The following AFAP1 variants were observed in gnomAD, a reference collection of about 807,000 sequenced individuals.
AFAP1 encodes actin filament-associated protein 1.
Under a neutral mutation model 93.9 loss-of-function variants are expected in AFAP1, and 75 were observed. The ratio of observed to expected loss-of-function variants is 0.80; its 90% confidence interval spans 0.66 to 0.97. The LOEUF (loss-of-function observed/expected upper bound fraction) is 0.97. AFAP1 is among the 50% of genes least tolerant of loss of function. The pLI is 0.00. For missense variants in AFAP1, 1,201 were observed against 1,050.8 expected, an observed-to-expected ratio of 1.14 and a Z score of -1.98; for synonymous variants, 517 against 430.7, an observed-to-expected ratio of 1.20 and a Z score of -2.48.
chr4:7,772,604 T>G, intron 16 of AFAP1: 1 of 559,640 alleles, frequency 1.8e-6, no homozygotes. Flanking sequence ...TTCCACAGCT[T>G]TTAACATTTC....
At chr4:7,859,542 A>G (rs1715440367) in intron 3 of AFAP1, among the ~76,000 whole-genome samples, 1 of 152,202 alleles carries the variant, frequency 6.6e-6, no homozygotes, top group Non-Finnish European at 1.5e-5. Flanking sequence ...TGACCTAGAA[A>G]TAAGAAAGAA....
rs1717272368 is a variant in AFAP1 at position 7,786,440 on chromosome 4, T to TAGA, written c.1413-132_1413-130dup. 4.0e-6 allele frequency: 3 copies of TAGA among 745,336 alleles called. No individual in the cohort carries two copies. The South Asian group carries it at 5.2e-5, about 13-fold the overall frequency. The allele number at this position is 745,336 out of a possible 1,614,324, so 46.2% of individuals were successfully genotyped here. A position where few individuals can be genotyped will look rare whatever the true frequency, so the allele number is the denominator to read the frequency against. ...GGTCACAGGGGCAGAGAAGAAATAC[T>TAGA]AGACAGAATCTCGGCAGAAATGAGA... On this transcript the variant is annotated intron_variant, in intron 11 of 17. Transcript: ENST00000420658.
intron 10 of AFAP1, 32 bp from the exon 11 acceptor site, chr4:7,793,858 T>C: frequency 6.7e-7 from 1 of 1,482,570 alleles, no homozygotes; most frequent in South Asian, 1.4e-5. Flanking sequence ...TAGGCTGTAT[T>C]TAACTAAAGA....
intron 4 of AFAP1, among the ~76,000 whole-genome samples, chr4:7,849,324 G>A (rs947268885): frequency 1.3e-5 from 2 of 151,908 alleles, no homozygotes; most frequent in Non-Finnish European, 2.9e-5. Flanking sequence ...CTGGGCACAA[G>A]GCTGAGCAAG....
At chr4:7,876,003 G>A (rs1240652020) in intron 1 of AFAP1, among the ~76,000 whole-genome samples, 6 of 152,010 alleles carry the variant, frequency 3.9e-5, no homozygotes, top group South Asian at 2.1e-4. Context: ...GGAAATGGAT[G>A]GTGAATATAC....
At chr4:7,788,862 G>C (rs1275674795) in intron 11 of AFAP1, 2 of 152,262 alleles carry the variant, frequency 1.3e-5, no homozygotes, top group African/African-American at 2.4e-5. Flanking sequence ...CGTCTCTCAC[G>C]GGCTTGCATC....
chr4:7,826,040 T>A (rs1046161950), intron 6 of AFAP1, among the ~76,000 whole-genome samples: 2 of 150,704 alleles, frequency 1.3e-5, no homozygotes, highest in Admixed American at 6.6e-5. Context: ...ATCCTAAAAG[T>A]GAAGGCTCCT....
chr4:7,894,839 C>A (rs1718675604), intron 1 of AFAP1, among the ~76,000 whole-genome samples: 2 of 152,110 alleles, frequency 1.3e-5, no homozygotes, highest in South Asian at 4.1e-4. Context: ...TGACAGGAGG[C>A]CTAGGATTGA....
chr4:7,826,870 G>A (rs537330399), intron 6 of AFAP1, among the ~76,000 whole-genome samples: 3 of 152,260 alleles, frequency 2.0e-5, no homozygotes, highest in African/African-American at 4.8e-5. Context: ...TACACAAAAC[G>A]CATGGAATGT....
intron 1 of AFAP1, among the ~76,000 whole-genome samples, chr4:7,919,618 TTTG>T (rs1720323287): frequency 6.6e-6 from 1 of 152,162 alleles, no homozygotes; most frequent in Non-Finnish European, 1.5e-5. Flanking sequence ...CTGCGGATTT[TTTG>T]TTTAGTCTTT....
chr4:7,774,811 C>T lies in AFAP1; in HGVS notation c.1990G>A (p.Ala664Thr), dbSNP rs766191451. The T allele has an allele frequency of 2.2e-5, 36 of 1,614,120 alleles. No homozygotes were observed. The highest frequency in any genetic ancestry group is 3.0e-5 in the Non-Finnish European group (35 of 1,180,056). ...KEEELLKRKE[A>T]LRNRLAQLRK... ...AGCTGGGCCAGCCTATTCCGCAGGG[C>T]CTCTTTCCTCTTCAGCAGCTCCTCC... is the stretch of plus-strand genomic sequence containing the variant. The change falls in exon 15 of 18, where the codon GCC becomes ACC. Residue 664 changes from alanine to threonine, a missense_variant. Coordinates refer to ENST00000420658, the MANE Select transcript of AFAP1 (RefSeq NM_001134647.2).
At chr4:7,860,020 A>G (rs959793491) in intron 3 of AFAP1, among the ~76,000 whole-genome samples, 2 of 152,026 alleles carry the variant, frequency 1.3e-5, no homozygotes, top group African/African-American at 2.4e-5. Flanking sequence ...GTGCATGCCT[A>G]TAGTCCCAAC....
At chr4:7,851,267 T>C (rs749631963) in intron 4 of AFAP1, among the ~76,000 whole-genome samples, 1 of 152,096 alleles carries the variant, frequency 6.6e-6, no homozygotes, top group Non-Finnish European at 1.5e-5. Flanking sequence ...CCACAGTCTC[T>C]CTGACCCATG....
chr4:7,939,761 CG>C lies in AFAP1; in HGVS notation c.-109del. On this transcript the variant is annotated 5_prime_UTR_variant, in exon 1 of 18. Transcript: ENST00000420658. This position sits in a 1 kb window ranked among gnomAD's most constrained non-coding sequence, Gnocchi z 5.6. Reference sequence around the variant, plus strand: ...CGCAGCCGCCTTAACAATGGAGCCCCGGGGCGGGGCCGCCGCCGCCGCCTCA... The same window carrying C: ...CGCAGCCGCCTTAACAATGGAGCCCCGGGCGGGGCCGCCGCCGCCGCCTCA... 1 of 399,892 alleles carries C rather than the reference CG, an allele frequency of 2.5e-6. No homozygotes were observed. Among genetic ancestry groups the C allele is most frequent in the Admixed American group, 3.0e-5 (1 of 33,340 alleles). 24.8% of individuals were successfully genotyped at this position (399,892 alleles called of 1,614,324 possible).
intron 1 of AFAP1, among the ~76,000 whole-genome samples, chr4:7,929,562 C>T (rs1197356365): frequency 6.6e-6 from 1 of 152,200 alleles, no homozygotes; most frequent in Admixed American, 6.5e-5. Context: ...CTCTGTGATG[C>T]CTGCCCCCCT....
chr4:7,879,435 G>A (rs1717709489), intron 1 of AFAP1, among the ~76,000 whole-genome samples: 1 of 152,088 alleles, frequency 6.6e-6, no homozygotes, highest in African/African-American at 2.4e-5. Flanking sequence ...GACACCTGCT[G>A]CCCTGTTCTG....
intron 6 of AFAP1, among the ~76,000 whole-genome samples, chr4:7,824,448 C>CACAG (rs1232628317): frequency 2.0e-5 from 3 of 147,026 alleles, no homozygotes; most frequent in Non-Finnish European, 1.5e-5. Flanking sequence ...CACACAGAGA[C>CACAG]AGTCAGTTAA....
intron 2 of AFAP1, among the ~76,000 whole-genome samples, chr4:7,871,371 C>A (rs1321250866): frequency 1.3e-5 from 2 of 152,194 alleles, no homozygotes; most frequent in Non-Finnish European, 2.9e-5. Context: ...CCTGCCTGTC[C>A]TGGAATTCTG....
chr4:7,921,504 T>C (rs940178458), intron 1 of AFAP1, among the ~76,000 whole-genome samples: 2 of 151,696 alleles, frequency 1.3e-5, no homozygotes, highest in African/African-American at 4.9e-5. Context: ...TTAACCTATC[T>C]ATTAGACTGA....
Sources: gnomAD v4.1 joint callset for allele counts (sites outside exome capture counted in the v4.1 genomes callset) on GRCh38, gnomAD v4.1.1 for gene constraint, Gnocchi (gnomAD v3.1) non-coding constraint, MANE v1.5 for transcripts, NCBI Gene and HGNC (gene_info 2026-07-23, HGNC 2026-07-21) for gene names.